TAFA1: variants seen among roughly 807,000 people sequenced by gnomAD.
TAFA1 encodes chemokine-like protein TAFA-1.
TAFA1 carries 4 observed loss-of-function variants against 18.5 expected under a neutral mutation model. That is an observed-to-expected ratio of 0.22 (90% CI 0.11 to 0.49). The LOEUF is 0.49. Ranked by LOEUF, TAFA1 falls within the 20% of genes least tolerant of loss-of-function variation. The pLI, the probability that TAFA1 is intolerant of heterozygous loss-of-function variation, is 0.98. For synonymous variants in TAFA1, 56 were observed against 55.2 expected (o/e 1.01, Z -0.06); for missense variants, 147 against 169.0 (o/e 0.87, Z 0.72).
chr3:68,277,775 A>G (rs1489692492), intron 2 of TAFA1, among the ~76,000 whole-genome samples: 1 of 152,178 alleles, frequency 6.6e-6, no homozygotes, highest in Non-Finnish European at 1.5e-5. Flanking sequence ...GTAGAGAGAT[A>G]CGCACAAAAG....
intron 3 of TAFA1, among the ~76,000 whole-genome samples, chr3:68,536,857 T>C (rs1337261763): frequency 1.3e-5 from 2 of 152,162 alleles, no homozygotes; most frequent in Non-Finnish European, 2.9e-5. Context: ...CCCCACATCA[T>C]ATTAAACATA....
At chr3:68,357,963 T>C (rs1483494283) in intron 2 of TAFA1, among the ~76,000 whole-genome samples, 1 of 152,020 alleles carries the variant, frequency 6.6e-6, no homozygotes, top group Non-Finnish European at 1.5e-5. Flanking sequence ...AATGTTTAAA[T>C]GTACTTTACA....
intron 3 of TAFA1, among the ~76,000 whole-genome samples, chr3:68,530,438 T>C (rs1026328179): frequency 3.3e-5 from 5 of 152,236 alleles, no homozygotes; most frequent in Non-Finnish European, 7.3e-5. Flanking sequence ...AAAGAAGCTT[T>C]AGTGATTTTA....
At chr3:68,380,106 T>G (rs1337912665) in intron 2 of TAFA1, among the ~76,000 whole-genome samples, 1 of 152,192 alleles carries the variant, frequency 6.6e-6, no homozygotes, top group African/African-American at 2.4e-5. Context: ...CTCATCCTTT[T>G]TTATGGCTGC....
At chr3:68,102,224 C>T (rs6548992) in intron 2 of TAFA1, among the ~76,000 whole-genome samples, 137,860 of 152,166 alleles carry the variant, frequency 0.91, 62,637 homozygotes, top group South Asian at 0.95. Flanking sequence ...TATGTGAGGC[C>T]GATGGCATCT....
intron 3 of TAFA1, among the ~76,000 whole-genome samples, chr3:68,431,187 AG>A: frequency 6.6e-6 from 1 of 151,998 alleles, no homozygotes; most frequent in East Asian, 1.9e-4. Flanking sequence ...ATTCAAATGC[AG>A]GTGTTATAAG....
At chr3:68,025,004 G>T (rs1016858600) in intron 2 of TAFA1, among the ~76,000 whole-genome samples, 1 of 152,012 alleles carries the variant, frequency 6.6e-6, no homozygotes, top group African/African-American at 2.4e-5. Flanking sequence ...TTGTTTTGGG[G>T]CATACTGAAA....
intron 2 of TAFA1, among the ~76,000 whole-genome samples, chr3:68,205,257 T>C (rs141926081): frequency 3.1e-4 from 47 of 151,900 alleles, no homozygotes; most frequent in African/African-American, 1.1e-3. Context: ...ATAAACCCAT[T>C]GGAAATCATT....
intron 3 of TAFA1, among the ~76,000 whole-genome samples, chr3:68,492,770 C>A (rs1177914632): frequency 6.6e-6 from 1 of 151,860 alleles, no homozygotes; most frequent in South Asian, 2.1e-4. Flanking sequence ...AAAAAACTAC[C>A]GTGGGAAGAC....
At chr3:68,437,646 G>C (rs992209094) in intron 3 of TAFA1, among the ~76,000 whole-genome samples, 31 of 151,976 alleles carry the variant, frequency 2.0e-4, no homozygotes, top group African/African-American at 7.0e-4. Context: ...ATCCATTAAG[G>C]AATTCATTCA....
rs964572239 is a variant in TAFA1 at position 68,342,428 on chromosome 3, C to G, written c.119-74852C>G. 4.6e-5 allele frequency among the ~76,000 whole-genome samples: 7 copies of G among 152,150 alleles called. 1 individual carries two copies. Among genetic ancestry groups the G allele is most frequent in the Admixed American group, 2.6e-4 (4 of 15,276 alleles). ...CTTGTTTATTCCCATATCAGTGCAG[C>G]AAGATGGAGTCAGTTAAATTTAGCT... On this transcript the variant is annotated intron_variant, in intron 2 of 4. Coordinates refer to ENST00000478136, the MANE Select transcript of TAFA1 (RefSeq NM_213609.4).
chr3:68,434,586 A>G (rs564513483), intron 3 of TAFA1, among the ~76,000 whole-genome samples: 33 of 152,174 alleles, frequency 2.2e-4, no homozygotes, highest in African/African-American at 7.9e-4. Flanking sequence ...TGTTCTATCT[A>G]TGACTTTTTC....
chr3:68,384,557 C>T (rs72628606), intron 2 of TAFA1, among the ~76,000 whole-genome samples: 4,570 of 152,076 alleles, frequency 0.03, 95 homozygotes, highest in East Asian at 0.093. Context: ...AGTTCTTTTG[C>T]ATTTGCTGAA....
intron 2 of TAFA1, among the ~76,000 whole-genome samples, chr3:68,170,978 C>A (rs528365854): frequency 1.3e-5 from 2 of 152,192 alleles, no homozygotes; most frequent in African/African-American, 2.4e-5. Context: ...CGAATAGCAA[C>A]AATAAGCCCT....
chr3:68,305,391 CTA>C lies in TAFA1; in HGVS notation c.119-111883_119-111882del, dbSNP rs200973616. On this transcript the variant is annotated intron_variant, in intron 2 of 4. Coordinates refer to ENST00000478136, the MANE Select transcript of TAFA1 (RefSeq NM_213609.4). ...TATATAAATGGCTATATATATATGA[CTA>C]TATATGACTATATGACTATATATAT... 8.5e-3 allele frequency among the ~76,000 whole-genome samples: 699 copies of C among 82,292 alleles called. 13 individuals carry two copies. Among genetic ancestry groups the C allele is most frequent in the African/African-American group, 0.034 (676 of 20,110 alleles). The allele number at this position is 82,292 out of a possible 152,430, so 54.0% of individuals were successfully genotyped here.
At chr3:68,202,874 T>C (rs2066484200) in intron 2 of TAFA1, among the ~76,000 whole-genome samples, 1 of 151,698 alleles carries the variant, frequency 6.6e-6, no homozygotes, top group Admixed American at 6.6e-5. Context: ...AAATTTTTAT[T>C]TTACCCTCAC....
At chr3:68,116,185 A>G (rs1284462886) in intron 2 of TAFA1, among the ~76,000 whole-genome samples, 10 of 152,066 alleles carry the variant, frequency 6.6e-5, no homozygotes, top group Non-Finnish European at 5.9e-5. Flanking sequence ...AACCCAGGAG[A>G]CGGAGCTTGC....
intron 2 of TAFA1, among the ~76,000 whole-genome samples, chr3:68,168,422 C>A (rs2066012125): frequency 6.6e-6 from 1 of 152,212 alleles, no homozygotes; most frequent in Non-Finnish European, 1.5e-5. Context: ...TATATTTACA[C>A]ATATGCCAGC....
rs571332295 is a variant in TAFA1, at chr3:68,023,542, T to C, written c.118+16798T>C. Among the ~76,000 whole-genome samples the C allele has an allele frequency of 7.2e-5, 11 of 152,292 alleles. 1 individual carries two copies. Among genetic ancestry groups the C allele is most frequent in the African/African-American group, 1.9e-4 (8 of 41,586 alleles). On this transcript the variant is annotated intron_variant, in intron 2 of 4. Transcript: ENST00000478136. ...GCAAGAGCTATTTGTTGAACAGCAT[T>C]CATGATATGGCCACAAAATACCTTA...
Sources: allele counts gnomAD v4.1 joint callset (sites outside exome capture counted in the v4.1 genomes callset), GRCh38; gene constraint gnomAD v4.1.1; transcripts MANE v1.5; gene names NCBI Gene and HGNC (gene_info 2026-07-23, HGNC 2026-07-21).